LAMA3: variants seen among roughly 807,000 people sequenced by gnomAD.
LAMA3 encodes laminin subunit alpha 3, also known as laminin subunit alpha-3.
A neutral mutation model predicts 402.0 loss-of-function variants in LAMA3; 281 were observed. The observed-to-expected ratio is 0.70, with a 90% CI of 0.63 to 0.77. The LOEUF is 0.77. LAMA3 is among the 30% of genes least tolerant of loss of function. LAMA3 has a pLI of 0.00. For missense variants in LAMA3, 3,840 were observed against 4,215.5 expected, an observed-to-expected ratio of 0.91 and a Z score of 2.47; for synonymous variants, 1,431 against 1,558.4, an observed-to-expected ratio of 0.92 and a Z score of 1.93.
At chr18:23,881,822 C>G in intron 39 of LAMA3, 114 bp from the exon 40 acceptor site, 1 of 722,920 alleles carries the variant, frequency 1.4e-6, no homozygotes, top group Non-Finnish European at 2.5e-6. Context: ...GAGCTGATAT[C>G]ACTGCAAAGT....
At chr18:23,953,262 C>A (rs972268030) in intron 74 of LAMA3, among the ~76,000 whole-genome samples, 153 bp downstream of exon 74, 1 of 151,504 alleles carries the variant, frequency 6.6e-6, no homozygotes, top group Non-Finnish European at 1.5e-5. Context: ...TGGAAAGGAG[C>A]ACTTGTCAGG....
intron 27 of LAMA3, 64 bp from the exon 28 acceptor site, chr18:23,842,331 A>T: frequency 6.3e-7 from 1 of 1,577,508 alleles, no homozygotes; most frequent in Non-Finnish European, 8.7e-7. Context: ...CTATGATTCC[A>T]GTTATTCATA....
chr18:23,829,883 C>A (rs2144490369), intron 23 of LAMA3, among the ~76,000 whole-genome samples: 1 of 152,298 alleles, frequency 6.6e-6, no homozygotes, highest in Admixed American at 6.5e-5. Flanking sequence ...ATTTGACCTT[C>A]ACACAGCTTC....
chr18:23,815,191 G>A lies in LAMA3; in HGVS notation c.1892G>A (p.Cys631Tyr). The A allele has an allele frequency of 3.1e-6, 5 of 1,614,076 alleles. No individual in the cohort carries two copies. The highest frequency in any genetic ancestry group is 3.4e-6 in the Non-Finnish European group (4 of 1,179,916). Residue 631 changes from cysteine (C) to tyrosine (Y), a missense_variant, in exon 16 of 75, where the codon TGC becomes TAC. Cys to Tyr is a radical substitution (Grantham distance 194). This residue lies in a region of LAMA3 where 2,109 missense variants were observed against 2,376.0 expected (regional missense o/e 0.89). Coordinates refer to ENST00000313654, the MANE Select transcript of LAMA3 (RefSeq NM_198129.4). Reference sequence around the variant, plus strand: ...GGATGCTCTCTTATCTCCACAGAATGCAAGTGCCATAAGGCGGGAACAGTG... The same window carrying A: ...GGATGCTCTCTTATCTCCACAGAATACAAGTGCCATAAGGCGGGAACAGTG... ...DKENPSGCSECKCHKAGTVSG... is the reference protein window; with the variant it reads ...DKENPSGCSEYKCHKAGTVSG...
At chr18:23,690,818 C>T (rs1329861086) in intron 1 of LAMA3, among the ~76,000 whole-genome samples, 3 of 151,198 alleles carry the variant, frequency 2.0e-5, no homozygotes, top group African/African-American at 4.9e-5. Context: ...GCACTGTCGC[C>T]GGGGCTGAAA....
At position 23,810,456 on chromosome 18, in the gene LAMA3, G is replaced by T. The variant is rs373414001; in HGVS notation, c.1694G>T (p.Arg565Leu). The T allele has an allele frequency of 6.2e-7, 1 of 1,614,080 alleles. No individual in the cohort carries two copies. Among genetic ancestry groups the T allele is most frequent in the East Asian group, 2.2e-5 (1 of 44,876 alleles). ...TGTCGGCCAGGAGTTACAGGACAGCGGTGTGACAGGTGTCTCTCAGGAGCT... is the reference window on the plus strand; with the variant it reads ...TGTCGGCCAGGAGTTACAGGACAGCTGTGTGACAGGTGTCTCTCAGGAGCT... ...CECRPGVTGQ[R>L]CDRCLSGAYD... The change falls in exon 13 of 75, where the codon CGG becomes CTG. Residue 565 changes from arginine (R) to leucine (L), a missense_variant. Coordinates refer to ENST00000313654, the MANE Select transcript of LAMA3 (RefSeq NM_198129.4).
At chr18:23,858,944 T>G (rs1332636754) in intron 34 of LAMA3, 115 bp downstream of exon 34, 1 of 1,104,850 alleles carries the variant, frequency 9.1e-7, no homozygotes, top group African/African-American at 1.5e-5. Context: ...TTTCCTGAAT[T>G]CGTCAGTTGT....
intron 1 of LAMA3, among the ~76,000 whole-genome samples, chr18:23,710,488 T>G (rs1158369264): frequency 5.3e-5 from 8 of 152,226 alleles, no homozygotes; most frequent in Admixed American, 5.2e-4. Flanking sequence ...CCACGTCGAC[T>G]TAATTCTCCA....
intron 2 of LAMA3, among the ~76,000 whole-genome samples, chr18:23,725,237 G>T (rs755209185): frequency 6.6e-6 from 1 of 152,014 alleles, no homozygotes; most frequent in Non-Finnish European, 1.5e-5. Flanking sequence ...AGCCTCCTGA[G>T]TAGCTAGGAT....
intron 24 of LAMA3, 146 bp downstream of exon 24, chr18:23,834,134 A>T (rs1045163813): frequency 3.4e-6 from 3 of 890,116 alleles, no homozygotes; most frequent in East Asian, 2.5e-5. Context: ...GTGTGGCCCA[A>T]CGTCATCACC....
chr18:23,785,932 G>A (rs1198401520), intron 12 of LAMA3, among the ~76,000 whole-genome samples: 1 of 152,082 alleles, frequency 6.6e-6, no homozygotes, highest in African/African-American at 2.4e-5. Context: ...TCCACTACTA[G>A]AGCTAATTTA....
At chr18:23,857,795 A>C in intron 32 of LAMA3, 49 bp from the exon 33 acceptor site, 2 of 1,613,602 alleles carry the variant, frequency 1.2e-6, no homozygotes. Context: ...GCACTTTAAA[A>C]TTGTGTGTAC....
chr18:23,886,917 C>T (rs1230383183), intron 41 of LAMA3, among the ~76,000 whole-genome samples: 1 of 152,202 alleles, frequency 6.6e-6, no homozygotes, highest in Non-Finnish European at 1.5e-5. Context: ...CTGGAAGACA[C>T]TTGCCATGTG....
intron 14 of LAMA3, among the ~76,000 whole-genome samples, chr18:23,813,922 A>G (rs2063126909): frequency 6.6e-6 from 1 of 152,214 alleles, no homozygotes; most frequent in Admixed American, 6.5e-5. Context: ...ACTTCCAGGC[A>G]CAGAATGGAT....
At chr18:23,847,325 C>T (rs1477506323) in intron 31 of LAMA3, 139 bp from the exon 32 acceptor site, 2 of 905,064 alleles carry the variant, frequency 2.2e-6, no homozygotes, top group Non-Finnish European at 3.5e-6. Context: ...GGTCTTGACT[C>T]CAAGAAATGG....
chr18:23,858,929 T>C, intron 34 of LAMA3, 100 bp downstream of exon 34: 1 of 1,270,340 alleles, frequency 7.9e-7, no homozygotes, highest in Non-Finnish European at 1.1e-6. Flanking sequence ...GTTTTAAAAT[T>C]CTTGTTTCCT....
chr18:23,854,819 T>TA (rs1392104826), intron 32 of LAMA3, among the ~76,000 whole-genome samples: 24 of 145,632 alleles, frequency 1.6e-4, no homozygotes, highest in African/African-American at 4.1e-4. Flanking sequence ...TCGACTCTCC[T>TA]AAAAAAATAC....
rs1367363439 is a variant in LAMA3, at chr18:23,815,175, C to T, written c.1889-13C>T. 1 of 1,613,534 alleles carries T rather than the reference C, an allele frequency of 6.2e-7. No homozygotes were observed. Among genetic ancestry groups the T allele is most frequent in the Non-Finnish European group, 8.5e-7 (1 of 1,179,562 alleles). ...GTCTCCCTTAGTTCAAGGATGCTCT[C>T]TTATCTCCACAGAATGCAAGTGCCA... On this transcript the variant is annotated splice_polypyrimidine_tract_variant and intron_variant, in intron 15 of 74. Coordinates refer to ENST00000313654, the MANE Select transcript of LAMA3 (RefSeq NM_198129.4).
chr18:23,690,280 G>T (rs1163324718), intron 1 of LAMA3, among the ~76,000 whole-genome samples: 1 of 152,164 alleles, frequency 6.6e-6, no homozygotes, highest in African/African-American at 2.4e-5. Flanking sequence ...CAGGCGCCTC[G>T]GCCCTTCCCG....
Sources: gnomAD v4.1 joint callset for allele counts (sites outside exome capture counted in the v4.1 genomes callset) on GRCh38, gnomAD v4.1.1 for gene constraint, gnomAD v4.1.1 regional missense constraint, MANE v1.5 for transcripts, NCBI Gene and HGNC (gene_info 2026-07-23, HGNC 2026-07-21) for gene names.